The following ULK4 variants were observed in gnomAD, a reference collection of about 807,000 sequenced individuals.
The protein encoded by ULK4 is unc-51 like kinase 4.
In ULK4, 133 loss-of-function variants were observed where a neutral mutation model predicts 160.6. The ratio of observed to expected loss-of-function variants is 0.83; its 90% confidence interval spans 0.72 to 0.96. The LOEUF is 0.96. ULK4 is among the 40% of genes least tolerant of loss of function. ULK4 has a pLI of 0.00. For missense variants in ULK4, 1,580 were observed against 1,499.5 expected (o/e 1.05, Z -0.89); for synonymous variants, 534 against 539.8 (o/e 0.99, Z 0.15).
At chr3:41,267,168 C>T (rs1025445349) in intron 35 of ULK4, among the ~76,000 whole-genome samples, 5 of 151,904 alleles carry the variant, frequency 3.3e-5, no homozygotes, top group African/African-American at 7.3e-5. Flanking sequence ...CCCCTTGCCC[C>T]GCATCCCCCA....
chr3:41,610,507 G>A (rs1214770953), intron 31 of ULK4, among the ~76,000 whole-genome samples: 1 of 152,104 alleles, frequency 6.6e-6, no homozygotes, highest in Admixed American at 6.5e-5. Flanking sequence ...TAAGCCTGAT[G>A]GATGCATAGG....
In ULK4 at chr3:41,685,811, C is replaced by T. The variant is rs374465354; in HGVS notation, c.2782-4007G>A. On this transcript the variant is annotated intron_variant, in intron 27 of 36. Transcript: ENST00000301831. ...TCTCTCTCATGATGCTTCCTTTATG[C>T]CCGGGCATAAGCTCCAGTGAAGCCT... Among the ~76,000 whole-genome samples the T allele has an allele frequency of 5.3e-5, 8 of 152,226 alleles. No individual in the cohort carries two copies. The East Asian group carries it at 1.5e-3, about 29-fold the overall frequency.
At position 41,326,451 on chromosome 3, in the gene ULK4, C is replaced by CATATAT. The variant is rs10660377; in HGVS notation, c.3678+71622_3678+71627dup. 8.0e-4 allele frequency among the ~76,000 whole-genome samples: 117 copies of CATATAT among 146,702 alleles called. 1 individual carries two copies. In the East Asian group the frequency reaches 0.013, roughly 16 times the overall value. ...AGAGTTATATTTACATGCATATATA[C>CATATAT]ATATATATATATATATATACATACA... On this transcript the variant is annotated intron_variant, in intron 35 of 36. Transcript: ENST00000301831.
At chr3:41,893,416 T>C (rs1275846017) in intron 16 of ULK4, among the ~76,000 whole-genome samples, 2 of 152,186 alleles carry the variant, frequency 1.3e-5, no homozygotes, top group African/African-American at 2.4e-5. Context: ...AAATACTCAA[T>C]GTTGGAAGTT....
At chr3:41,608,397 C>G (rs1021353067) in intron 31 of ULK4, among the ~76,000 whole-genome samples, 3 of 152,188 alleles carry the variant, frequency 2.0e-5, no homozygotes, top group Non-Finnish European at 4.4e-5. Flanking sequence ...TTTCTACTTT[C>G]TCAAAAAGTG....
chr3:41,785,946 T>C (rs936089736), intron 21 of ULK4, among the ~76,000 whole-genome samples: 7 of 152,106 alleles, frequency 4.6e-5, no homozygotes, highest in Admixed American at 2.0e-4. Context: ...TCAGGAAGGC[T>C]GAACCACAAA....
rs2042104551 is a variant in ULK4 at position 41,847,720 on chromosome 3, A to C, written c.1657-11749T>G. ...AAATAAGAACACTGTAAACCTCATA[A>C]TCCCCACTCCTTTTTTAATCCATGT... On this transcript the variant is annotated intron_variant, in intron 17 of 36. Transcript: ENST00000301831. Among the ~76,000 whole-genome samples the C allele has an allele frequency of 2.1e-5, 3 of 142,610 alleles. No homozygotes were observed. The South Asian group carries it at 6.2e-4, about 30-fold the overall frequency. 93.6% of individuals were successfully genotyped at this position (142,610 alleles called of 152,430 possible). A position where few individuals can be genotyped will look rare whatever the true frequency, so the allele number is the denominator to read the frequency against.
chr3:41,522,934 CAG>C (rs1212426036), intron 32 of ULK4, among the ~76,000 whole-genome samples: 8 of 152,084 alleles, frequency 5.3e-5, no homozygotes, highest in Admixed American at 1.3e-4. Flanking sequence ...TTTTTTGAGA[CAG>C]AGTCTTGCTC....
intron 35 of ULK4, among the ~76,000 whole-genome samples, chr3:41,288,790 C>A (rs2079508521): frequency 6.6e-6 from 1 of 152,142 alleles, no homozygotes; most frequent in Non-Finnish European, 1.5e-5. Context: ...AAGAGAAAGG[C>A]CCGCTCAAGG....
At chr3:41,497,617 C>T (rs1293023445) in intron 32 of ULK4, among the ~76,000 whole-genome samples, 2 of 151,972 alleles carry the variant, frequency 1.3e-5, no homozygotes, top group Non-Finnish European at 2.9e-5. Flanking sequence ...TTTCTGAAAA[C>T]CAAATATACT....
At chr3:41,464,231 C>G (rs1288439435) in intron 32 of ULK4, among the ~76,000 whole-genome samples, 1 of 152,092 alleles carries the variant, frequency 6.6e-6, no homozygotes, top group African/African-American at 2.4e-5. Context: ...TCCAGCAAAA[C>G]AATCCAGTCT....
intron 2 of ULK4, among the ~76,000 whole-genome samples, chr3:41,951,723 C>G (rs1233227469): frequency 6.6e-6 from 1 of 152,202 alleles, no homozygotes; most frequent in African/African-American, 2.4e-5. Flanking sequence ...CTAATGTCCA[C>G]TGTGGTGGTA....
intron 35 of ULK4, among the ~76,000 whole-genome samples, chr3:41,374,376 T>C (rs1041680342): frequency 6.6e-6 from 1 of 152,120 alleles, no homozygotes; most frequent in African/African-American, 2.4e-5. Flanking sequence ...AACATTGATG[T>C]GAAAATCCTC....
intron 35 of ULK4, among the ~76,000 whole-genome samples, chr3:41,292,572 G>A (rs534041472): frequency 4.6e-5 from 7 of 152,090 alleles, no homozygotes; most frequent in South Asian, 2.1e-4. Context: ...GCTTGAACCC[G>A]GGAGGCAGCA....
intron 21 of ULK4, among the ~76,000 whole-genome samples, chr3:41,758,722 A>T (rs2038886254): frequency 1.3e-5 from 2 of 152,028 alleles, no homozygotes. Flanking sequence ...AAATACAAAA[A>T]ATTAACAGGG....
At chr3:41,267,213 T>C (rs532946579) in intron 35 of ULK4, among the ~76,000 whole-genome samples, 12 of 152,218 alleles carry the variant, frequency 7.9e-5, no homozygotes, top group Non-Finnish European at 1.5e-5. Context: ...CCTCTCTGTG[T>C]CCATGTATTC....
At chr3:41,659,856 T>C (rs183732249) in intron 30 of ULK4, among the ~76,000 whole-genome samples, 2 of 152,238 alleles carry the variant, frequency 1.3e-5, no homozygotes, top group South Asian at 2.1e-4. Flanking sequence ...AATACATCCA[T>C]GCAATGGAAG....
At chr3:41,861,275 T>C (rs1439817301) in intron 17 of ULK4, among the ~76,000 whole-genome samples, 1 of 152,232 alleles carries the variant, frequency 6.6e-6, no homozygotes, top group Admixed American at 6.5e-5. Flanking sequence ...TTCTCATTAC[T>C]GTCCTTTTCT....
chr3:41,801,434 C>G (rs73073361), intron 19 of ULK4, among the ~76,000 whole-genome samples: 18,803 of 151,638 alleles, frequency 0.12, 1,345 homozygotes, highest in Middle Eastern at 0.27. Flanking sequence ...TTTTCAAATT[C>G]ATGAAAACTG....
Sources: allele counts gnomAD v4.1 joint callset (sites outside exome capture counted in the v4.1 genomes callset), GRCh38; gene constraint gnomAD v4.1.1; transcripts MANE v1.5; gene names NCBI Gene and HGNC (gene_info 2026-07-23, HGNC 2026-07-21).